Variants in PPP4R2 observed in about 807,000 individuals in gnomAD.
The protein encoded by PPP4R2 is serine/threonine-protein phosphatase 4 regulatory subunit 2.
Under a neutral mutation model 47.2 loss-of-function variants are expected in PPP4R2, and 13 were observed. The ratio of observed to expected loss-of-function variants is 0.28; its 90% confidence interval spans 0.18 to 0.44. The LOEUF is 0.44. PPP4R2 is among the 20% of genes least tolerant of loss of function. PPP4R2 has a pLI of 1.00. For missense variants in PPP4R2, 421 were observed against 491.2 expected, an observed-to-expected ratio of 0.86 and a Z score of 1.35; for synonymous variants, 151 against 163.3, an observed-to-expected ratio of 0.92 and a Z score of 0.57.
chr3:73,027,294 A>G (rs1177795256), intron 2 of PPP4R2, among the ~76,000 whole-genome samples: 1 of 152,042 alleles, frequency 6.6e-6, no homozygotes, highest in African/African-American at 2.4e-5. Flanking sequence ...TGCCTGGCTA[A>G]TTTTTTGCAT....
intron 1 of PPP4R2, among the ~76,000 whole-genome samples, chr3:72,997,847 A>G (rs919604571): frequency 2.0e-5 from 3 of 152,178 alleles, no homozygotes; most frequent in Non-Finnish European, 4.4e-5. Context: ...TGCGTTAAAA[A>G]TGGTTTGTGA....
At chr3:73,050,112 T>G (rs1045922505) in intron 3 of PPP4R2, among the ~76,000 whole-genome samples, 3 of 151,910 alleles carry the variant, frequency 2.0e-5, no homozygotes, top group South Asian at 4.1e-4. Context: ...GCTATGTTTT[T>G]TTTGTTTGTT....
chr3:73,044,907 C>T (rs6549499), intron 2 of PPP4R2, among the ~76,000 whole-genome samples: 81,191 of 152,106 alleles, frequency 0.53, 22,050 homozygotes, highest in South Asian at 0.62. Context: ...ATTTGACTTT[C>T]TGCTCTGTTG....
intron 2 of PPP4R2, among the ~76,000 whole-genome samples, chr3:73,020,345 C>T (rs987415520): frequency 1.5e-4 from 23 of 152,214 alleles, no homozygotes; most frequent in South Asian, 6.2e-4. Flanking sequence ...CACATCCCCA[C>T]GCCTGGCTTA....
Position 73,018,934 on chromosome 3 carries a change from A to G in PPP4R2, c.116+20776A>G, listed in dbSNP as rs527831984. Among the ~76,000 whole-genome samples, 34 of 152,134 alleles carry G rather than the reference A, an allele frequency of 2.2e-4. No individual in the cohort carries two copies. The South Asian group carries it at 6.6e-3, about 30-fold the overall frequency. On this transcript the variant is annotated intron_variant, in intron 2 of 8. Coordinates refer to ENST00000356692, the MANE Select transcript of PPP4R2 (RefSeq NM_174907.4). ...GCTGTTTGCTTACTAGTCTGTTTCT[A>G]CTTGTGGTTCTGTAAGTTTTGAGGG...
intron 3 of PPP4R2, among the ~76,000 whole-genome samples, chr3:73,057,693 T>G (rs531948848): frequency 6.6e-6 from 1 of 152,244 alleles, no homozygotes; most frequent in East Asian, 1.9e-4. Context: ...AAGAATAGTA[T>G]TGACACAAAG....
At position 73,065,124 on chromosome 3, in the gene PPP4R2, A is replaced by T. The variant is rs1265615759; in HGVS notation, c.911A>T (p.Asp304Val). The change falls in exon 8 of 9, where the codon GAT (aspartate) becomes GTT (valine). Residue 304 changes from aspartate to valine, a missense_variant. Around this residue, in one of 2 missense-constraint regions of PPP4R2, gnomAD observed 317 missense variants for 287.5 expected, o/e 1.10. Transcript: ENST00000356692. ...TGTACAGAAGAGGATGAAGAAGAGG[A>T]TGAAGAGGAAGAAGAAGGTATTTAG... ...QHCTEEDEEEDEEEEEESFMT... is the reference protein window; with the variant it reads ...QHCTEEDEEEVEEEEEESFMT... 6.2e-7 allele frequency: 1 copy of T among 1,609,872 alleles called. No homozygotes were observed. The highest frequency in any genetic ancestry group is 1.3e-5 in the African/African-American group (1 of 74,814).
At chr3:73,039,654 G>A (rs1702337128) in intron 2 of PPP4R2, among the ~76,000 whole-genome samples, 1 of 152,150 alleles carries the variant, frequency 6.6e-6, no homozygotes, top group Admixed American at 6.5e-5. Flanking sequence ...AACTGGAGTG[G>A]GTGGTGTGCT....
At chr3:73,000,346 A>T (rs1701433610) in intron 2 of PPP4R2, among the ~76,000 whole-genome samples, 1 of 152,164 alleles carries the variant, frequency 6.6e-6, no homozygotes, top group East Asian at 1.9e-4. Context: ...TCAAAAAAAA[A>T]TTTCATAGTT....
At chr3:73,036,389 G>T (rs1702261456) in intron 2 of PPP4R2, among the ~76,000 whole-genome samples, 2 of 152,170 alleles carry the variant, frequency 1.3e-5, no homozygotes, top group African/African-American at 4.8e-5. Flanking sequence ...AGCTAGAGAA[G>T]ATTTGAAATG....
chr3:73,005,194 G>A (rs971986160), intron 2 of PPP4R2, among the ~76,000 whole-genome samples: 3 of 152,042 alleles, frequency 2.0e-5, no homozygotes, highest in South Asian at 2.1e-4. Context: ...CCCCGCCTTC[G>A]CCTCCCAAAG....
At chr3:73,059,654 G>A (rs1283466489) in intron 4 of PPP4R2, among the ~76,000 whole-genome samples, 1 of 152,046 alleles carries the variant, frequency 6.6e-6, no homozygotes, top group Non-Finnish European at 1.5e-5. Flanking sequence ...AGGAAATGGT[G>A]TGGGCTGGGT....
intron 2 of PPP4R2, among the ~76,000 whole-genome samples, chr3:73,038,015 AGAAT>A (rs1702300014): frequency 1.3e-5 from 2 of 152,196 alleles, no homozygotes; most frequent in Non-Finnish European, 2.9e-5. Flanking sequence ...CTGAGTTGGT[AGAAT>A]GAAAAAAAGG....
chr3:73,043,225 T>G (rs1394562918), intron 2 of PPP4R2, among the ~76,000 whole-genome samples: 1 of 152,178 alleles, frequency 6.6e-6, no homozygotes, highest in African/African-American at 2.4e-5. Context: ...CTCATAAAAT[T>G]TAAAGATAAA....
chr3:73,059,010 A>G (rs1559567950), intron 3 of PPP4R2, 27 bp from the exon 4 acceptor site: 1 of 1,344,130 alleles, frequency 7.4e-7, no homozygotes, highest in Non-Finnish European at 1.1e-6. Context: ...CAGTGATCTC[A>G]CACTGTAAAA....
Position 72,998,201 on chromosome 3 carries a change from A to G in PPP4R2, c.116+43A>G, listed in dbSNP as rs777170193. 4 of 1,256,886 alleles carry G rather than the reference A, an allele frequency of 3.2e-6. No homozygotes were observed. The South Asian group carries it at 5.5e-5, about 17-fold the overall frequency. 77.9% of individuals were successfully genotyped at this position (1,256,886 alleles called of 1,614,324 possible). On this transcript the variant is annotated intron_variant, in intron 2 of 8. Coordinates refer to ENST00000356692, the MANE Select transcript of PPP4R2 (RefSeq NM_174907.4). ...ATTTGTCGTTATAGACCAGTGCATT[A>G]TTAAGAATTGCTCAGGAAAGGGAAA...
chr3:73,036,872 A>G (rs1559558679), intron 2 of PPP4R2, among the ~76,000 whole-genome samples: 1 of 151,770 alleles, frequency 6.6e-6, no homozygotes, highest in East Asian at 1.9e-4. Flanking sequence ...CATAGCAGAC[A>G]TTGTTAAGAT....
chr3:73,021,560 G>A (rs1020271117), intron 2 of PPP4R2, among the ~76,000 whole-genome samples: 1 of 151,940 alleles, frequency 6.6e-6, no homozygotes, highest in African/African-American at 2.4e-5. Flanking sequence ...TGTATACCAT[G>A]TGACAGGTTA....
At chr3:73,062,225 G>A in intron 5 of PPP4R2, 5 of 1,596,390 alleles carry the variant, frequency 3.1e-6, no homozygotes, top group Non-Finnish European at 4.3e-6. Flanking sequence ...TTTCCACAAT[G>A]TCTCATCTAA....
Sources: gnomAD v4.1 joint callset for allele counts (sites outside exome capture counted in the v4.1 genomes callset) on GRCh38, gnomAD v4.1.1 for gene constraint, gnomAD v4.1.1 regional missense constraint, MANE v1.5 for transcripts, NCBI Gene and HGNC (gene_info 2026-07-23, HGNC 2026-07-21) for gene names.